Variants in ROCK1 observed in about 807,000 individuals in gnomAD.
ROCK1 encodes rho-associated protein kinase 1.
Under a neutral mutation model 196.8 loss-of-function variants are expected in ROCK1, and 36 were observed. The ratio of observed to expected loss-of-function variants is 0.18; its 90% CI spans 0.14 to 0.24. ROCK1 has a LOEUF of 0.24. ROCK1 is among the 10% of genes least tolerant of loss of function. The pLI, the probability that ROCK1 is intolerant of heterozygous loss-of-function variation, is 1.00. For missense variants in ROCK1, 920 were observed against 1,562.0 expected, an observed-to-expected ratio of 0.59 and a Z score of 6.93; for synonymous variants, 443 against 515.9, an observed-to-expected ratio of 0.86 and a Z score of 1.91.
intron 2 of ROCK1, among the ~76,000 whole-genome samples, chr18:21,059,222 T>C (rs1203262905): frequency 6.6e-6 from 1 of 152,166 alleles, no homozygotes; most frequent in African/African-American, 2.4e-5. Flanking sequence ...CTCTGTGCCT[T>C]TCCAGATGTT....
intron 16 of ROCK1, among the ~76,000 whole-genome samples, chr18:21,002,565 T>A (rs889913805): frequency 2.0e-5 from 3 of 152,302 alleles, no homozygotes; most frequent in Admixed American, 2.0e-4. Context: ...TACTATATAA[T>A]TGATGAGGAA....
intron 1 of ROCK1, among the ~76,000 whole-genome samples, chr18:21,087,983 A>C (rs2036540897): frequency 6.6e-6 from 1 of 152,246 alleles, no homozygotes; most frequent in Admixed American, 6.5e-5. Flanking sequence ...ACCAAAATGT[A>C]CAAACTACAA....
intron 9 of ROCK1, among the ~76,000 whole-genome samples, chr18:21,039,131 T>A (rs1361982774): frequency 6.6e-6 from 1 of 152,180 alleles, no homozygotes; most frequent in Non-Finnish European, 1.5e-5. Context: ...CAAAAACATA[T>A]ATTTTAATCT....
intron 1 of ROCK1, among the ~76,000 whole-genome samples, chr18:21,107,246 G>A (rs1224718418): frequency 6.6e-6 from 1 of 152,118 alleles, no homozygotes; most frequent in South Asian, 2.1e-4. Context: ...TTCAGATTAC[G>A]GATGCTATTC....
intron 2 of ROCK1, among the ~76,000 whole-genome samples, chr18:21,065,683 T>C (rs1347766627): frequency 1.3e-5 from 2 of 152,196 alleles, no homozygotes; most frequent in African/African-American, 4.8e-5. Context: ...TTTATCTTGG[T>C]ATCATCTCTC....
chr18:20,991,388 C>T, intron 17 of ROCK1, 62 bp from the exon 18 acceptor site: 1 of 1,114,986 alleles, frequency 9.0e-7, no homozygotes, highest in Non-Finnish European at 1.2e-6. Context: ...GTTAGTAAAT[C>T]TTACATTTAA....
At chr18:21,102,865 C>CA (rs10718814) in intron 1 of ROCK1, among the ~76,000 whole-genome samples, 92 of 123,968 alleles carry the variant, frequency 7.4e-4, no homozygotes, top group East Asian at 1.1e-3. Context: ...GACCCTGTCT[C>CA]AAAAAAAAAA....
At chr18:21,037,788 A>G (rs2036069875) in intron 9 of ROCK1, among the ~76,000 whole-genome samples, 1 of 152,134 alleles carries the variant, frequency 6.6e-6, no homozygotes, top group Non-Finnish European at 1.5e-5. Flanking sequence ...TGAGCTCCAG[A>G]AGGGAGAAAG....
intron 1 of ROCK1, among the ~76,000 whole-genome samples, chr18:21,109,231 T>C (rs1006998878): frequency 7.9e-5 from 12 of 152,196 alleles, no homozygotes; most frequent in East Asian, 1.9e-4. Flanking sequence ...TTCCATTAAA[T>C]AGATTGGACT....
At chr18:21,060,604 C>G (rs1157292259) in intron 2 of ROCK1, among the ~76,000 whole-genome samples, 2 of 152,128 alleles carry the variant, frequency 1.3e-5, no homozygotes, top group Non-Finnish European at 2.9e-5. Flanking sequence ...CTTTGGGAGG[C>G]CGAGGCAGAC....
chr18:21,079,848 G>C (rs2143567906), intron 1 of ROCK1, among the ~76,000 whole-genome samples: 1 of 152,248 alleles, frequency 6.6e-6, no homozygotes, highest in East Asian at 1.9e-4. Context: ...TCTAACTGTT[G>C]GATAATATTA....
intron 16 of ROCK1, among the ~76,000 whole-genome samples, chr18:20,994,818 A>G (rs1384533651): frequency 6.6e-6 from 1 of 152,210 alleles, no homozygotes; most frequent in East Asian, 1.9e-4. Context: ...TACCTGTGCA[A>G]TACACGAAAG....
rs371547574 is a variant in ROCK1 at position 21,047,777 on chromosome 18, G to A, written c.414+1315C>T. On this transcript the variant is annotated intron_variant, in intron 4 of 32. Coordinates refer to ENST00000399799, the MANE Select transcript of ROCK1 (RefSeq NM_005406.3). Reference sequence around the variant, plus strand: ...CGCACCATTGCACTCCGGCCTGGGCGACAGAGCGAGACTCCGTCTCAAAAA... The same window carrying A: ...CGCACCATTGCACTCCGGCCTGGGCAACAGAGCGAGACTCCGTCTCAAAAA... 2.5e-4 allele frequency among the ~76,000 whole-genome samples: 38 copies of A among 149,366 alleles called. No homozygotes were observed. The East Asian group carries it at 6.7e-3, about 26-fold the overall frequency.
At chr18:21,092,090 C>G (rs1346348973) in intron 1 of ROCK1, among the ~76,000 whole-genome samples, 1 of 152,136 alleles carries the variant, frequency 6.6e-6, no homozygotes, top group Non-Finnish European at 1.5e-5. Context: ...TGTTCAGGGA[C>G]CAATTGTAAA....
chr18:21,051,222 C>T (rs1293988284), intron 2 of ROCK1, among the ~76,000 whole-genome samples: 2 of 152,040 alleles, frequency 1.3e-5, no homozygotes, highest in East Asian at 1.9e-4. Flanking sequence ...CTGAGGCAAG[C>T]GGAATGTATG....
intron 9 of ROCK1, among the ~76,000 whole-genome samples, chr18:21,032,513 T>G (rs60543705): frequency 0.011 from 1,663 of 150,636 alleles, 35 homozygotes; most frequent in African/African-American, 0.038. Context: ...AAAGTTTTTT[T>G]TTTTTTTTTT....
At chr18:21,102,735 G>A (rs1351948268) in intron 1 of ROCK1, among the ~76,000 whole-genome samples, 1 of 151,982 alleles carries the variant, frequency 6.6e-6, no homozygotes, top group East Asian at 1.9e-4. Flanking sequence ...GCATGGTGGC[G>A]CTTGCCTGTA....
chr18:21,003,436 A>G (rs2035743397), intron 16 of ROCK1, among the ~76,000 whole-genome samples: 1 of 152,168 alleles, frequency 6.6e-6, no homozygotes, highest in Non-Finnish European at 1.5e-5. Flanking sequence ...CACTAATTAG[A>G]TATTTTATAA....
At chr18:21,069,872 G>A (rs1185368354) in intron 2 of ROCK1, among the ~76,000 whole-genome samples, 1 of 151,726 alleles carries the variant, frequency 6.6e-6, no homozygotes, top group Non-Finnish European at 1.5e-5. Flanking sequence ...TTTAAAAATT[G>A]AAAAACTAAA....
Sources: gnomAD v4.1 joint callset for allele counts (sites outside exome capture counted in the v4.1 genomes callset) on GRCh38, gnomAD v4.1.1 for gene constraint, MANE v1.5 for transcripts, NCBI Gene and HGNC (gene_info 2026-07-23, HGNC 2026-07-21) for gene names.